SNX29: variants seen among roughly 807,000 people sequenced by gnomAD.
SNX29 encodes sorting nexin-29.
A neutral mutation model predicts 102.1 loss-of-function variants in SNX29; 78 were observed. That is an observed-to-expected ratio of 0.76 (90% CI 0.64 to 0.92). The LOEUF is 0.92. Ranked by LOEUF, SNX29 falls within the 40% of genes least tolerant of loss-of-function variation. SNX29 has a pLI of 0.00. For missense variants in SNX29, 1,280 were observed against 1,061.7 expected (o/e 1.21, Z -2.86); for synonymous variants, 580 against 414.5 (o/e 1.40, Z -4.85).
At chr16:12,299,743 A>G (rs1386016090) in intron 15 of SNX29, among the ~76,000 whole-genome samples, 4 of 142,774 alleles carry the variant, frequency 2.8e-5, no homozygotes, top group African/African-American at 1.0e-4. Context: ...TAGACTATAT[A>G]TTATGATCCA....
At chr16:12,108,613 C>A (rs1181084930) in intron 11 of SNX29, among the ~76,000 whole-genome samples, 8 of 152,144 alleles carry the variant, frequency 5.3e-5, no homozygotes, top group Non-Finnish European at 1.2e-4. Context: ...TTAATACCTA[C>A]AACAGCCCTG....
At chr16:12,557,559 A>C (rs1021975719) in intron 20 of SNX29, 1 of 152,118 alleles carries the variant, frequency 6.6e-6, no homozygotes, top group Non-Finnish European at 1.5e-5. Flanking sequence ...ACAGCATTTC[A>C]CTATGTTGGC....
intron 20 of SNX29, among the ~76,000 whole-genome samples, chr16:12,534,587 C>G (rs980825836): frequency 7.9e-5 from 12 of 152,226 alleles, no homozygotes; most frequent in South Asian, 2.1e-4. Flanking sequence ...AAAAAGAAGT[C>G]TGGTATTGTC....
intron 15 of SNX29, among the ~76,000 whole-genome samples, chr16:12,330,135 C>A (rs192378037): frequency 1.3e-5 from 2 of 152,030 alleles, no homozygotes; most frequent in South Asian, 2.1e-4. Flanking sequence ...GTTGTTGTTG[C>A]GGGAGGCTCA....
In SNX29 at chr16:12,052,221, A is replaced by G. The variant is rs767168867; in HGVS notation, c.1123A>G (p.Lys375Glu). 4 of 1,613,726 alleles carry G rather than the reference A, an allele frequency of 2.5e-6. No homozygotes were observed. In the South Asian group the frequency reaches 3.3e-5, roughly 13 times the overall value. The change falls in exon 8 of 21, where the codon AAG becomes GAG. Residue 375 changes from lysine (K) to glutamate (E), a missense_variant and splice_region_variant. Coordinates refer to ENST00000566228, the MANE Select transcript of SNX29 (RefSeq NM_032167.5). ...KHRGHSESPE[K>E]PLEGNTCLSQ... ...CAGGGGCCACTCGGAGTCGCCCGAG[A>G]AGTAAGTTTGTGTGTAAGGTGGAGT...
chr16:12,221,691 G>C (rs922219395), intron 14 of SNX29, among the ~76,000 whole-genome samples: 3 of 152,208 alleles, frequency 2.0e-5, no homozygotes, highest in East Asian at 1.9e-4. Context: ...TTTAACTTTG[G>C]TGGCTTTGTG....
At chr16:12,513,527 C>T (rs1003734954) in intron 19 of SNX29, among the ~76,000 whole-genome samples, 1 of 152,116 alleles carries the variant, frequency 6.6e-6, no homozygotes, top group Non-Finnish European at 1.5e-5. Flanking sequence ...CCTCTTCTGT[C>T]CATGCCTGGT....
chr16:12,563,749 G>A (rs2903039), intron 20 of SNX29, among the ~76,000 whole-genome samples: 2 of 152,068 alleles, frequency 1.3e-5, no homozygotes, highest in Admixed American at 6.5e-5. Flanking sequence ...TTACCCAACA[G>A]CCACAACTTC....
intron 9 of SNX29, among the ~76,000 whole-genome samples, chr16:12,066,672 A>C (rs1202851281): frequency 6.6e-6 from 1 of 151,566 alleles, no homozygotes; most frequent in Non-Finnish European, 1.5e-5. Context: ...AATCAGAGAA[A>C]AGATGGTGGG....
intron 14 of SNX29, among the ~76,000 whole-genome samples, chr16:12,207,187 G>C (rs1360080804): frequency 6.6e-6 from 1 of 152,018 alleles, no homozygotes; most frequent in Non-Finnish European, 1.5e-5. Flanking sequence ...AGACCAACAT[G>C]GTGAAACCCC....
chr16:12,506,226 G>T (rs2089372136), intron 19 of SNX29, among the ~76,000 whole-genome samples: 1 of 152,216 alleles, frequency 6.6e-6, no homozygotes, highest in Non-Finnish European at 1.5e-5. Flanking sequence ...CTCCCAAAGT[G>T]CTGGGATTAC....
rs180960816 is a variant in SNX29 at position 12,554,358 on chromosome 16, C to T, written c.2319-14148C>T. Among the ~76,000 whole-genome samples, 104 of 139,958 alleles carry T rather than the reference C, an allele frequency of 7.4e-4. 2 individuals carry two copies. The highest frequency in any genetic ancestry group is 1.7e-3 in the Admixed American group (24 of 13,950). 91.8% of individuals were successfully genotyped at this position (139,958 alleles called of 152,430 possible). A position where few individuals can be genotyped will look rare whatever the true frequency, so the allele number is the denominator to read the frequency against. On this transcript the variant is annotated intron_variant, in intron 20 of 20. Coordinates refer to ENST00000566228, the MANE Select transcript of SNX29 (RefSeq NM_032167.5). ...CTTTTGTTCTGTAGCTTTTCCCTTA[C>T]CTGTGTCTTGAAGGTGTTTCTGTGC...
In SNX29 at chr16:12,539,832, T is replaced by G. The variant is rs114041166; in HGVS notation, c.2318+14991T>G. Among the ~76,000 whole-genome samples the G allele has an allele frequency of 3.2e-3, 481 of 152,356 alleles. 1 individual carries two copies. Among genetic ancestry groups the G allele is most frequent in the African/African-American group, 0.01 (434 of 41,582 alleles). On this transcript the variant is annotated intron_variant, in intron 20 of 20. Coordinates refer to ENST00000566228, the MANE Select transcript of SNX29 (RefSeq NM_032167.5). The stretch of plus-strand genomic sequence containing the variant: ...GGATGTTTTCCTTTAACACATCCTC[T>G]TTGGGGAAGTAAGTAAGTGTCCAAG...
intron 20 of SNX29, among the ~76,000 whole-genome samples, chr16:12,556,899 C>T (rs1016582601): frequency 1.3e-5 from 2 of 151,572 alleles, no homozygotes; most frequent in African/African-American, 4.9e-5. Flanking sequence ...GTCTCCTCAC[C>T]TTGAGTGTAG....
At chr16:12,490,648 C>T (rs1269125237) in intron 19 of SNX29, among the ~76,000 whole-genome samples, 2 of 152,124 alleles carry the variant, frequency 1.3e-5, no homozygotes, top group Non-Finnish European at 2.9e-5. Context: ...AGCAGCCATA[C>T]GGTGATGATT....
Position 12,130,925 on chromosome 16 carries a change from C to G in SNX29, c.1595+1167C>G, listed in dbSNP as rs367938538. On this transcript the variant is annotated intron_variant, in intron 13 of 20. Transcript: ENST00000566228. ...TGACAGCGAGGCACCGAGATGGTTT[C>G]CAGTCTTTTGCTGCTACTAATAATG... Among the ~76,000 whole-genome samples the G allele has an allele frequency of 3.3e-5, 5 of 152,174 alleles. No homozygotes were observed. In the East Asian group the frequency reaches 7.7e-4, roughly 23 times the overall value.
intron 13 of SNX29, among the ~76,000 whole-genome samples, chr16:12,138,184 G>GA (rs34886061): frequency 9.1e-5 from 13 of 142,502 alleles, no homozygotes; most frequent in Non-Finnish European, 1.6e-4. Flanking sequence ...ACACGAGACT[G>GA]AAAAAAAAAG....
intron 5 of SNX29, among the ~76,000 whole-genome samples, chr16:12,043,748 G>T (rs367585868): frequency 0.074 from 4,781 of 64,258 alleles, 103 homozygotes; most frequent in Middle Eastern, 0.16. Flanking sequence ...CATTTTTTTT[G>T]TTGTTGTTTG....
At chr16:12,408,680 G>T (rs1472407693) in intron 18 of SNX29, among the ~76,000 whole-genome samples, 1 of 152,172 alleles carries the variant, frequency 6.6e-6, no homozygotes, top group Non-Finnish European at 1.5e-5. Flanking sequence ...AATTAGCTGG[G>T]CATGGTGGCA....
Sources: gnomAD v4.1 joint callset for allele counts (sites outside exome capture counted in the v4.1 genomes callset) on GRCh38, gnomAD v4.1.1 for gene constraint, MANE v1.5 for transcripts, NCBI Gene and HGNC (gene_info 2026-07-23, HGNC 2026-07-21) for gene names.